The following SLIT3 variants were observed in gnomAD, a reference collection of about 807,000 sequenced individuals.
SLIT3 encodes the protein slit homolog 3 protein.
A neutral mutation model predicts 184.0 loss-of-function variants in SLIT3; 68 were observed. The ratio of observed to expected loss-of-function variants is 0.37; its 90% CI spans 0.30 to 0.45. SLIT3 has a LOEUF of 0.45. SLIT3 is among the 20% of genes least tolerant of loss of function. The pLI, the probability that SLIT3 is intolerant of heterozygous loss-of-function variation, is 1.00. For missense variants in SLIT3, 1,707 were observed against 2,026.0 expected (o/e 0.84, Z 3.02); for synonymous variants, 831 against 828.6 (o/e 1.00, Z -0.05).
chr5:168,923,133 C>T (rs75569443), intron 4 of SLIT3, among the ~76,000 whole-genome samples: 5,397 of 152,196 alleles, frequency 0.035, 160 homozygotes, highest in African/African-American at 0.069. Flanking sequence ...GGGGCAATGA[C>T]AGGTGAATCC....
intron 3 of SLIT3, among the ~76,000 whole-genome samples, chr5:169,227,006 C>T (rs966283024): frequency 6.6e-6 from 1 of 152,172 alleles, no homozygotes; most frequent in Non-Finnish European, 1.5e-5. Flanking sequence ...TCACTAAAGC[C>T]CCCACACTGT....
At chr5:168,879,656 G>A (rs1243158031) in intron 5 of SLIT3, among the ~76,000 whole-genome samples, 3 of 152,188 alleles carry the variant, frequency 2.0e-5, no homozygotes, top group African/African-American at 4.8e-5. Context: ...GAGACATAGC[G>A]TGGCTTTAGC....
intron 4 of SLIT3, among the ~76,000 whole-genome samples, chr5:168,953,227 C>T (rs1193398115): frequency 3.9e-5 from 6 of 152,238 alleles, no homozygotes; most frequent in Non-Finnish European, 8.8e-5. Flanking sequence ...CAAATGGATG[C>T]TTCTTCCACG....
intron 10 of SLIT3, chr5:168,790,800 T>A (rs1010919738): frequency 6.6e-6 from 1 of 152,250 alleles, no homozygotes; most frequent in African/African-American, 2.4e-5. Context: ...TCCAGCCTCT[T>A]AAGCACATGC....
chr5:169,297,930 A>C (rs566069844), intron 1 of SLIT3, among the ~76,000 whole-genome samples: 1 of 152,384 alleles, frequency 6.6e-6, no homozygotes, highest in East Asian at 1.9e-4. Flanking sequence ...GAATGAAGGC[A>C]GGAATAAATG....
At chr5:168,725,831 A>G (rs1763092355) in intron 20 of SLIT3, among the ~76,000 whole-genome samples, 2 of 152,272 alleles carry the variant, frequency 1.3e-5, no homozygotes, top group Admixed American at 6.5e-5. Flanking sequence ...TAAATGGGAT[A>G]GAAATGGGTT....
At chr5:168,676,558 A>G (rs1761418350) in intron 32 of SLIT3, among the ~76,000 whole-genome samples, 4 of 152,344 alleles carry the variant, frequency 2.6e-5, no homozygotes, top group African/African-American at 9.6e-5. Flanking sequence ...GGCTGGTAAA[A>G]GCAGGAAGGG....
chr5:168,840,681 T>C (rs1454831396), intron 6 of SLIT3, among the ~76,000 whole-genome samples: 1 of 152,160 alleles, frequency 6.6e-6, no homozygotes, highest in Non-Finnish European at 1.5e-5. Context: ...ACCAAAAGCA[T>C]AGAACAGGTG....
At chr5:168,852,314 A>G (rs1442411220) in intron 5 of SLIT3, among the ~76,000 whole-genome samples, 1 of 152,220 alleles carries the variant, frequency 6.6e-6, no homozygotes. Context: ...ACCCAGCACA[A>G]ACTGTAGTGA....
chr5:168,941,309 A>G (rs1302031466), intron 4 of SLIT3, among the ~76,000 whole-genome samples: 5 of 152,204 alleles, frequency 3.3e-5, no homozygotes, highest in Non-Finnish European at 5.9e-5. Context: ...GCAGAATCGA[A>G]GTCAGAGCTG....
At chr5:169,175,530 G>T (rs149116666) in intron 4 of SLIT3, among the ~76,000 whole-genome samples, 1 of 152,176 alleles carries the variant, frequency 6.6e-6, no homozygotes, top group Non-Finnish European at 1.5e-5. Context: ...AAGATTAAAG[G>T]AGATTCTGAA....
intron 9 of SLIT3, among the ~76,000 whole-genome samples, chr5:168,796,441 G>A (rs1756568374): frequency 6.6e-6 from 1 of 152,122 alleles, no homozygotes; most frequent in Non-Finnish European, 1.5e-5. Context: ...CGCTCTATTC[G>A]GGGTGATGAA....
chr5:168,989,847 C>T (rs1244617529), intron 4 of SLIT3, among the ~76,000 whole-genome samples: 1 of 152,192 alleles, frequency 6.6e-6, no homozygotes, highest in African/African-American at 2.4e-5. Context: ...AGTTTCATTT[C>T]CGTTTTCTGC....
intron 4 of SLIT3, 77 bp downstream of exon 4, chr5:169,193,402 G>A (rs1053032257): frequency 1.3e-5 from 16 of 1,234,412 alleles, no homozygotes; most frequent in Admixed American, 1.0e-4. Context: ...ACGGCACGGC[G>A]CTCCACAAAC....
intron 2 of SLIT3, 83 bp from the exon 3 acceptor site, chr5:169,244,859 GTCAC>G: frequency 8.6e-7 from 1 of 1,156,928 alleles, no homozygotes; most frequent in South Asian, 1.2e-5. Flanking sequence ...TGCAGGCATG[GTCAC>G]TCAGCCCTTC....
intron 4 of SLIT3, among the ~76,000 whole-genome samples, chr5:168,983,360 GTAGCAAGTTAGTGCT>G: frequency 6.6e-6 from 1 of 152,216 alleles, no homozygotes. Flanking sequence ...ACATAAATCA[GTAGCAAGTTAGTGCT>G]ACAGTTTTCT....
chr5:168,947,085 C>T (rs776772705), intron 4 of SLIT3, among the ~76,000 whole-genome samples: 2 of 152,086 alleles, frequency 1.3e-5, no homozygotes, highest in Non-Finnish European at 2.9e-5. Flanking sequence ...ATGAGAAAGT[C>T]AGTATTGTCT....
At chr5:168,778,053 T>C (rs1755822219) in intron 12 of SLIT3, among the ~76,000 whole-genome samples, 1 of 152,194 alleles carries the variant, frequency 6.6e-6, no homozygotes, top group African/African-American at 2.4e-5. Flanking sequence ...GAGGGATGGA[T>C]TCCCCCTTTT....
chr5:168,794,816 G>A (rs1447748546), intron 10 of SLIT3, among the ~76,000 whole-genome samples: 1 of 152,076 alleles, frequency 6.6e-6, no homozygotes, highest in Non-Finnish European at 1.5e-5. Context: ...CCTTTCACTT[G>A]CTTTTCCTGC....
Sources: allele counts gnomAD v4.1 joint callset (sites outside exome capture counted in the v4.1 genomes callset), GRCh38; gene constraint gnomAD v4.1.1; transcripts MANE v1.5; gene names NCBI Gene and HGNC (gene_info 2026-07-23, HGNC 2026-07-21).